Variants in BBS9 observed in about 807,000 individuals in gnomAD.
The protein encoded by BBS9 is Bardet-Biedl syndrome 9.
A neutral mutation model predicts 117.7 loss-of-function variants in BBS9; 89 were observed. That is an observed-to-expected ratio of 0.76 (90% CI 0.64 to 0.90). The LOEUF is 0.90. Among genes scored for constraint, BBS9 ranks in the 40% least tolerant of loss-of-function variants. The pLI is 0.00. For missense variants in BBS9, 982 were observed against 1,042.2 expected (o/e 0.94, Z 0.80); for synonymous variants, 379 against 370.9 (o/e 1.02, Z -0.25).
At chr7:33,251,278 C>G (rs1327207492) in intron 5 of BBS9, among the ~76,000 whole-genome samples, 1 of 152,156 alleles carries the variant, frequency 6.6e-6, no homozygotes, top group Non-Finnish European at 1.5e-5. Context: ...CATTACTCAC[C>G]AGGGAAGAGT....
intron 6 of BBS9, among the ~76,000 whole-genome samples, chr7:33,262,975 C>G (rs1206823084): frequency 6.6e-6 from 1 of 152,192 alleles, no homozygotes; most frequent in Non-Finnish European, 1.5e-5. Flanking sequence ...ATATGAGTCT[C>G]TACAACTAGT....
chr7:33,356,284 G>A (rs1454146385), intron 15 of BBS9, among the ~76,000 whole-genome samples: 2 of 151,810 alleles, frequency 1.3e-5, no homozygotes, highest in African/African-American at 4.8e-5. Context: ...GTTGGAGAAA[G>A]TAGTGCTTTG....
At chr7:33,359,008 A>G (rs2128690636) in intron 16 of BBS9, among the ~76,000 whole-genome samples, 1 of 151,956 alleles carries the variant, frequency 6.6e-6, no homozygotes, top group Admixed American at 6.6e-5. Flanking sequence ...TTAAGTGTGA[A>G]TTGAGTTTGG....
chr7:33,548,752 A>G (rs898157528), intron 21 of BBS9, among the ~76,000 whole-genome samples: 1 of 151,300 alleles, frequency 6.6e-6, no homozygotes, highest in Non-Finnish European at 1.5e-5. Flanking sequence ...GAGAACTACA[A>G]ACCACTGCTC....
rs200439561 is a variant in BBS9, at chr7:33,367,772, G to A, written c.1699G>A (p.Ala567Thr). Residue 567 changes from alanine to threonine, a missense_variant, in exon 17 of 23, where the codon GCC becomes ACC. Coordinates refer to ENST00000242067, the MANE Select transcript of BBS9 (RefSeq NM_198428.3). ...VSLLSLFPGF[A>T]SQSDDDQVNV... ...TTTCTCTCTTTTCTTTGTAGGTTTT[G>A]CCAGTCAGTCAGATGATGATCAGGT... 2 of 1,613,598 alleles carry A rather than the reference G, an allele frequency of 1.2e-6. No individual in the cohort carries two copies. Among genetic ancestry groups the A allele is most frequent in the Middle Eastern group, 1.6e-4 (1 of 6,078 alleles).
At chr7:33,406,466 A>T (rs893888004) in intron 19 of BBS9, among the ~76,000 whole-genome samples, 5 of 151,146 alleles carry the variant, frequency 3.3e-5, no homozygotes, top group African/African-American at 9.7e-5. Flanking sequence ...TGTGAATTTG[A>T]TCCTGTCATT....
chr7:33,258,882 A>G (rs910845362), intron 6 of BBS9, among the ~76,000 whole-genome samples: 8 of 152,220 alleles, frequency 5.3e-5, no homozygotes, highest in East Asian at 1.9e-4. Flanking sequence ...AGAAGCTCAC[A>G]TTGTTTTAAC....
At chr7:33,513,413 G>A (rs568839328) in intron 20 of BBS9, among the ~76,000 whole-genome samples, 9 of 151,598 alleles carry the variant, frequency 5.9e-5, no homozygotes, top group Non-Finnish European at 1.2e-4. Flanking sequence ...TAAATATAAG[G>A]AAATATTCTA....
intron 21 of BBS9, among the ~76,000 whole-genome samples, chr7:33,630,702 C>T (rs541923759): frequency 1.3e-5 from 2 of 152,300 alleles, no homozygotes; most frequent in East Asian, 3.9e-4. Context: ...CACCCCTCTT[C>T]CTCTGACTTC....
chr7:33,282,521 G>A lies in BBS9; in HGVS notation c.1016+8565G>A, dbSNP rs1034881015. Among the ~76,000 whole-genome samples, 33 of 152,074 alleles carry A rather than the reference G, an allele frequency of 2.2e-4. 1 individual carries two copies. The highest frequency in any genetic ancestry group is 6.3e-4 in the African/African-American group (26 of 41,480). ...TGAGTATGTGGGATTACAGGTGCCC[G>A]CCACCATGACTGGCTAATTTTTTTG... On this transcript the variant is annotated intron_variant, in intron 9 of 22. Coordinates refer to ENST00000242067, the MANE Select transcript of BBS9 (RefSeq NM_198428.3).
intron 21 of BBS9, among the ~76,000 whole-genome samples, chr7:33,558,803 G>C (rs185228642): frequency 7.2e-5 from 11 of 152,270 alleles, no homozygotes; most frequent in Admixed American, 2.0e-4. Context: ...TGAAAGTGGA[G>C]AGAGTAGAAA....
chr7:33,531,386 G>T (rs541448901), intron 20 of BBS9, among the ~76,000 whole-genome samples: 3 of 152,198 alleles, frequency 2.0e-5, no homozygotes, highest in Non-Finnish European at 4.4e-5. Flanking sequence ...GAGAGCAGAG[G>T]CAACTGGAGG....
chr7:33,421,339 AT>A (rs1832831252), intron 19 of BBS9, among the ~76,000 whole-genome samples: 1 of 152,194 alleles, frequency 6.6e-6, no homozygotes, highest in Non-Finnish European at 1.5e-5. Flanking sequence ...AACATACACC[AT>A]TTAAAAATAC....
At chr7:33,146,174 G>A in intron 1 of BBS9, 68 bp from the exon 2 acceptor site, 1 of 1,074,068 alleles carries the variant, frequency 9.3e-7, no homozygotes, top group Non-Finnish European at 1.4e-6. Context: ...AGTTTAATTT[G>A]CTATGCCTTA....
intron 21 of BBS9, among the ~76,000 whole-genome samples, chr7:33,540,379 T>C (rs993584590): frequency 1.2e-4 from 19 of 152,214 alleles, no homozygotes; most frequent in African/African-American, 4.6e-4. Context: ...GGCCTTTCTA[T>C]GTAAGTTAGC....
intron 21 of BBS9, among the ~76,000 whole-genome samples, chr7:33,552,566 T>C (rs1170114195): frequency 6.6e-6 from 1 of 152,188 alleles, no homozygotes; most frequent in Non-Finnish European, 1.5e-5. Flanking sequence ...TAAAATTAAT[T>C]ATAAAACTAC....
chr7:33,232,422 G>C (rs1187789535), intron 5 of BBS9, among the ~76,000 whole-genome samples: 1 of 152,122 alleles, frequency 6.6e-6, no homozygotes, highest in Non-Finnish European at 1.5e-5. Context: ...GTTGAAAAAT[G>C]TAGTGTGGTT....
intron 19 of BBS9, among the ~76,000 whole-genome samples, chr7:33,488,562 T>C (rs935900635): frequency 1.3e-5 from 2 of 152,174 alleles, no homozygotes; most frequent in African/African-American, 4.8e-5. Context: ...TCTGTTTCCT[T>C]AACATTAAAA....
rs182343859 is a variant in BBS9, at chr7:33,437,776, C to T, written c.2115+49632C>T. Reference sequence around the variant, plus strand: ...CTGTAATCCCAGCTACTCAAGAGGCCGAGGCAGGAGAATTGCTTGAACCCG... The same window carrying T: ...CTGTAATCCCAGCTACTCAAGAGGCTGAGGCAGGAGAATTGCTTGAACCCG... On this transcript the variant is annotated intron_variant, in intron 19 of 22. Transcript: ENST00000242067. Among the ~76,000 whole-genome samples the T allele has an allele frequency of 1.9e-3, 291 of 152,050 alleles. 2 individuals carry two copies. The highest frequency in any genetic ancestry group is 6.5e-3 in the African/African-American group (271 of 41,484).
Sources: allele counts gnomAD v4.1 joint callset (sites outside exome capture counted in the v4.1 genomes callset), GRCh38; gene constraint gnomAD v4.1.1; transcripts MANE v1.5; gene names NCBI Gene and HGNC (gene_info 2026-07-23, HGNC 2026-07-21).